The following PCYT1B variants were observed in gnomAD, a reference collection of about 807,000 sequenced individuals.
The protein encoded by PCYT1B is choline-phosphate cytidylyltransferase B.
Under a neutral mutation model 26.4 loss-of-function variants are expected in PCYT1B, and 10 were observed. The observed-to-expected ratio is 0.38, with a 90% CI of 0.23 to 0.64. The LOEUF is 0.64. Among genes scored for constraint, PCYT1B ranks in the 30% least tolerant of loss-of-function variants. The pLI, the probability that PCYT1B is intolerant of heterozygous loss-of-function variation, is 0.56. For missense variants in PCYT1B, 161 were observed against 292.7 expected (o/e 0.55, Z 3.28); for synonymous variants, 131 against 108.4 (o/e 1.21, Z -1.29).
upstream of PCYT1B, among the ~76,000 whole-genome samples, chrX:24,651,471 AAATATATATATATATATATATATATAT>A (rs1483493840): frequency 1.6e-4 from 6 of 37,543 alleles, no homozygotes; most frequent in East Asian, 4.0e-3. Context: ...AAAAAAAAAA[AAATATATATATATATATATATATATAT>A]ATATATATAT....
chrX:24,672,404 T>C (rs1180370118), intron 1 of PCYT1B, among the ~76,000 whole-genome samples: 18 of 111,915 alleles, frequency 1.6e-4, no homozygotes, highest in Non-Finnish European at 3.4e-4. Context: ...TGTTTTTCTT[T>C]GTCTTTTTTT....
chrX:24,586,089 G>A, intron 5 of PCYT1B, among the ~76,000 whole-genome samples: 1 of 111,979 alleles, frequency 8.9e-6, no homozygotes, highest in Middle Eastern at 4.6e-3. Context: ...CTGCTGTATT[G>A]TATATACTCT....
At chrX:24,653,644 A>T (rs1926830338) in intron 1 of PCYT1B, among the ~76,000 whole-genome samples, 1 of 111,405 alleles carries the variant, frequency 9.0e-6, no homozygotes, top group Admixed American at 9.6e-5. Context: ...ATTTCCTGGA[A>T]TCGGATCATC....
At chrX:24,631,099 C>T (rs769185744) in intron 1 of PCYT1B, among the ~76,000 whole-genome samples, 28 of 110,870 alleles carry the variant, frequency 2.5e-4, no homozygotes, top group Non-Finnish European at 3.2e-4. Context: ...ATTTTTTGTA[C>T]TTTTAGTAGA....
intron 3 of PCYT1B, among the ~76,000 whole-genome samples, chrX:24,605,217 G>A (rs1444108191): frequency 1.8e-5 from 2 of 111,544 alleles, no homozygotes; most frequent in Non-Finnish European, 3.8e-5. Context: ...GTGCTTTTAT[G>A]GAAAGCCTCC....
In PCYT1B at chrX:24,562,434, G is replaced by A; in HGVS notation, c.969C>T (p.Ser323=). ...ALSPKQSPVS[S]PTRSRSPSRS... is the part of the protein sequence containing the mutation. ...GGGAAGGGGACCGGCTCCGGGTTGG[G>A]CTGCTCACAGGGCTCTGCTTCGGGG... is the stretch of plus-strand genomic sequence containing the variant. Residue 323 remains serine, a synonymous_variant, in exon 8 of 8, where the codon AGC becomes AGT. Coordinates refer to ENST00000379144, the MANE Select transcript of PCYT1B (RefSeq NM_004845.5). 8.3e-7 allele frequency: 1 copy of A among 1,201,476 alleles called. No homozygotes were observed. The highest frequency in any genetic ancestry group is 1.1e-6 in the Non-Finnish European group (1 of 890,964).
intron 1 of PCYT1B, among the ~76,000 whole-genome samples, chrX:24,666,295 A>AT (rs1341122270): frequency 1.8e-5 from 2 of 111,352 alleles, no homozygotes; most frequent in African/African-American, 3.3e-5. Context: ...GTTGGAAGTC[A>AT]TGCATCCAAG....
chrX:24,560,994 T>C lies in PCYT1B; in HGVS notation c.*1299A>G, dbSNP rs1923392701. ...CTAGGGCCAGAGATAATGGTGATAC[T>C]ACCTAGACCATTCAGATGCTGAGAT... On this transcript the variant is annotated 3_prime_UTR_variant, in exon 8 of 8. Transcript: ENST00000379144. The C allele has an allele frequency of 8.9e-6, 1 of 112,529 alleles. No individual in the cohort carries two copies. The highest frequency in any genetic ancestry group is 3.2e-5 in the African/African-American group (1 of 30,853). 9.3% of individuals were successfully genotyped at this position (112,529 alleles called of 1,213,427 possible). A position where few individuals can be genotyped will look rare whatever the true frequency, so the allele number is the denominator to read the frequency against.
At chrX:24,618,847 C>A (rs1194526456) in intron 2 of PCYT1B, 138 bp downstream of exon 2, 2 of 339,613 alleles carry the variant, frequency 5.9e-6, no homozygotes, top group Non-Finnish European at 1.0e-5. Context: ...GTCTCAAACT[C>A]CTGACCTCAA....
intron 5 of PCYT1B, among the ~76,000 whole-genome samples, chrX:24,581,233 T>C (rs1243184901): frequency 8.9e-6 from 1 of 112,012 alleles, no homozygotes; most frequent in Non-Finnish European, 1.9e-5. Context: ...AATCCTTAAC[T>C]TGGCTGTGCA....
intron 1 of PCYT1B, among the ~76,000 whole-genome samples, chrX:24,666,145 G>A (rs1411665082): frequency 2.7e-5 from 3 of 111,214 alleles, no homozygotes; most frequent in African/African-American, 9.8e-5. Context: ...CAAAATCTGG[G>A]TTGAAACCCA....
chrX:24,628,648 C>T (rs941508623), intron 1 of PCYT1B, among the ~76,000 whole-genome samples: 9 of 110,680 alleles, frequency 8.1e-5, no homozygotes, highest in Admixed American at 2.9e-4. Flanking sequence ...GGAATCTTGC[C>T]GGATAGACAG....
intron 1 of PCYT1B, among the ~76,000 whole-genome samples, chrX:24,630,699 G>A (rs919975142): frequency 1.8e-5 from 2 of 112,227 alleles, no homozygotes; most frequent in African/African-American, 3.2e-5. Flanking sequence ...ATGGCTTTAA[G>A]CTCCCAGTAG....
intron 5 of PCYT1B, among the ~76,000 whole-genome samples, chrX:24,584,311 AGAGT>A (rs1296045424): frequency 8.9e-6 from 1 of 112,114 alleles, no homozygotes; most frequent in Non-Finnish European, 1.9e-5. Context: ...CCTGGGTGAA[AGAGT>A]GAGAACTTGT....
chrX:24,661,747 A>G (rs1279896570), intron 1 of PCYT1B, among the ~76,000 whole-genome samples: 1 of 112,594 alleles, frequency 8.9e-6, no homozygotes, highest in Non-Finnish European at 1.9e-5. Context: ...TGCAATATGT[A>G]CACTGTATTA....
At chrX:24,595,660 A>G (rs1924750599) in intron 3 of PCYT1B, among the ~76,000 whole-genome samples, 1 of 110,944 alleles carries the variant, frequency 9.0e-6, no homozygotes, top group African/African-American at 3.3e-5. Flanking sequence ...TGGGTGGATC[A>G]TTTGAGGTCA....
At chrX:24,612,735 T>C (rs1925347619) in intron 2 of PCYT1B, among the ~76,000 whole-genome samples, 1 of 112,397 alleles carries the variant, frequency 8.9e-6, no homozygotes, top group African/African-American at 3.2e-5. Flanking sequence ...AGTTTGGCAG[T>C]TGTTTAAAAA....
At chrX:24,588,551 G>A (rs942447462) in intron 4 of PCYT1B, among the ~76,000 whole-genome samples, 14 of 111,501 alleles carry the variant, frequency 1.3e-4, no homozygotes, top group African/African-American at 4.6e-4. Context: ...AGGTAGTTTA[G>A]AGATAGTTTA....
At chrX:24,617,973 A>T (rs1345382833) in intron 2 of PCYT1B, among the ~76,000 whole-genome samples, 1 of 111,745 alleles carries the variant, frequency 8.9e-6, no homozygotes, top group Non-Finnish European at 1.9e-5. Context: ...GTCTTGCATG[A>T]TCACTCAGGC....
Sources: gnomAD v4.1 joint callset for allele counts (sites outside exome capture counted in the v4.1 genomes callset) on GRCh38, gnomAD v4.1.1 for gene constraint, MANE v1.5 for transcripts, NCBI Gene and HGNC (gene_info 2026-07-23, HGNC 2026-07-21) for gene names.